GABRG3: variants seen among roughly 807,000 people sequenced by gnomAD.
GABRG3 encodes the protein gamma-aminobutyric acid type A receptor subunit gamma3, also known as gamma-aminobutyric acid receptor subunit gamma-3.
GABRG3 carries 25 observed loss-of-function variants against 48.8 expected under a neutral mutation model. The ratio of observed to expected loss-of-function variants is 0.51; its 90% confidence interval spans 0.37 to 0.72. The LOEUF (loss-of-function observed/expected upper bound fraction) is 0.72. GABRG3 is among the 30% of genes least tolerant of loss of function. The pLI is 0.00. For missense variants in GABRG3, 394 were observed against 577.9 expected (o/e 0.68, Z 3.26); for synonymous variants, 227 against 217.6 (o/e 1.04, Z -0.38).
intron 9 of GABRG3, among the ~76,000 whole-genome samples, chr15:27,531,882 G>T (rs1290635097): frequency 6.6e-6 from 1 of 152,128 alleles, no homozygotes; most frequent in Non-Finnish European, 1.5e-5. Context: ...GCAGGAGGAG[G>T]GCTTGGGAGG....
At chr15:27,357,439 T>C (rs1894878302) in intron 5 of GABRG3, among the ~76,000 whole-genome samples, 1 of 152,216 alleles carries the variant, frequency 6.6e-6, no homozygotes, top group Non-Finnish European at 1.5e-5. Context: ...CCAAAACTTT[T>C]ATTTATGTGG....
chr15:27,125,142 T>TA lies in GABRG3; in HGVS notation c.270+98329dup, dbSNP rs199891559. ...GATATGCCGAAAGACTTTTTATTAG[T>TA]AAAAAAAAGAAATATTTCAAATGAA... On this transcript the variant is annotated intron_variant, in intron 3 of 9. Transcript: ENST00000615808. Among the ~76,000 whole-genome samples the TA allele has an allele frequency of 7.4e-3, 1,122 of 152,128 alleles. 16 individuals are homozygous for TA. Among genetic ancestry groups the TA allele is most frequent in the African/African-American group, 0.025 (1,057 of 41,504 alleles).
intron 3 of GABRG3, among the ~76,000 whole-genome samples, chr15:27,131,822 G>T (rs1284491398): frequency 6.6e-6 from 1 of 151,726 alleles, no homozygotes; most frequent in African/African-American, 2.4e-5. Flanking sequence ...TCGTCTTTTT[G>T]ATAATTGGGG....
intron 5 of GABRG3, among the ~76,000 whole-genome samples, chr15:27,357,021 A>G (rs563742281): frequency 6.6e-6 from 1 of 152,354 alleles, no homozygotes; most frequent in South Asian, 2.1e-4. Context: ...ATAGAATGTC[A>G]TAAAAATAAA....
At chr15:27,321,498 T>A (rs1893424670) in intron 3 of GABRG3, among the ~76,000 whole-genome samples, 1 of 152,198 alleles carries the variant, frequency 6.6e-6, no homozygotes, top group Non-Finnish European at 1.5e-5. Context: ...CTTCCATACC[T>A]GAGAAGGAAA....
At position 26,975,928 on chromosome 15, in the gene GABRG3, A is replaced by G. The variant is rs182385617; in HGVS notation, c.54-1074A>G. Among the ~76,000 whole-genome samples the G allele has an allele frequency of 6.6e-6, 1 of 152,276 alleles. No homozygotes were observed. Among genetic ancestry groups the G allele is most frequent in the East Asian group, 1.9e-4 (1 of 5,170 alleles). ...AAAGGAAAAGTTTGGTTTGTTTCAC[A>G]TGCTTTCTTGCTGGGGTCAATGGTA... is the stretch of plus-strand genomic sequence containing the variant. On this transcript the variant is annotated intron_variant, in intron 1 of 9. Coordinates refer to ENST00000615808, the MANE Select transcript of GABRG3 (RefSeq NM_033223.5). This position sits in a 1 kb window ranked among gnomAD's most constrained non-coding sequence, Gnocchi z 4.6.
chr15:27,233,008 G>C (rs913880176), intron 3 of GABRG3, among the ~76,000 whole-genome samples: 1 of 152,194 alleles, frequency 6.6e-6, no homozygotes, highest in Non-Finnish European at 1.5e-5. Context: ...CATCAGTCCA[G>C]CTGAATGGCA....
At chr15:27,291,620 A>G (rs1891795923) in intron 3 of GABRG3, among the ~76,000 whole-genome samples, 1 of 152,240 alleles carries the variant, frequency 6.6e-6, no homozygotes, top group Non-Finnish European at 1.5e-5. Context: ...TTATTTAATG[A>G]AAACAGTTTA....
intron 2 of GABRG3, 22 bp downstream of exon 2, chr15:26,977,172 T>C (rs898255751): frequency 6.2e-7 from 1 of 1,600,616 alleles, no homozygotes; most frequent in South Asian, 1.1e-5. Context: ...TTTTTGTTAT[T>C]CTAATAGAAA....
intron 3 of GABRG3, among the ~76,000 whole-genome samples, chr15:27,184,223 A>T (rs961997761): frequency 6.6e-6 from 1 of 152,218 alleles, no homozygotes; most frequent in African/African-American, 2.4e-5. Flanking sequence ...TAGATCAAGG[A>T]TAGGAAGGTT....
chr15:27,269,417 C>T (rs1891014419), intron 3 of GABRG3, among the ~76,000 whole-genome samples: 1 of 152,252 alleles, frequency 6.6e-6, no homozygotes, highest in Non-Finnish European at 1.5e-5. Context: ...TGTTCTTTTC[C>T]TAGCATGGCC....
intron 3 of GABRG3, among the ~76,000 whole-genome samples, chr15:27,129,936 A>G (rs914218205): frequency 2.6e-5 from 4 of 152,010 alleles, no homozygotes; most frequent in African/African-American, 7.2e-5. Flanking sequence ...GTAGTTCTTT[A>G]TATATTCTGG....
intron 3 of GABRG3, among the ~76,000 whole-genome samples, chr15:27,122,535 C>G (rs1468473974): frequency 6.6e-6 from 1 of 152,196 alleles, no homozygotes; most frequent in African/African-American, 2.4e-5. Flanking sequence ...GGAATTATCC[C>G]TATGACTCTG....
intron 3 of GABRG3, among the ~76,000 whole-genome samples, chr15:27,290,053 C>A (rs557769479): frequency 5.9e-5 from 9 of 152,180 alleles, no homozygotes; most frequent in African/African-American, 2.2e-4. Flanking sequence ...CTCTTCAATA[C>A]CTTCTAGTGC....
rs573254953 is a variant in GABRG3, at chr15:27,189,052, G to T, written c.271-137757G>T. 5.3e-3 allele frequency among the ~76,000 whole-genome samples: 803 copies of T among 152,136 alleles called. 4 individuals are homozygous for T. The highest frequency in any genetic ancestry group is 0.011 in the Admixed American group (166 of 15,280). ...CAGATAGTTGTAGATATATGGCGTTGTTTCTGAGGGCTCTGTTCTGTTCCA... is the reference window on the plus strand; with the variant it reads ...CAGATAGTTGTAGATATATGGCGTTTTTTCTGAGGGCTCTGTTCTGTTCCA... On this transcript the variant is annotated intron_variant, in intron 3 of 9. Transcript: ENST00000615808.
chr15:27,228,270 G>T (rs887660550), intron 3 of GABRG3, among the ~76,000 whole-genome samples: 1 of 152,068 alleles, frequency 6.6e-6, no homozygotes, highest in African/African-American at 2.4e-5. Flanking sequence ...TCATGTTCGT[G>T]AGTTCTCATC....
At chr15:26,991,028 C>T (rs1199833342) in intron 2 of GABRG3, among the ~76,000 whole-genome samples, 1 of 152,108 alleles carries the variant, frequency 6.6e-6, no homozygotes, top group Non-Finnish European at 1.5e-5. Context: ...TGTTCTTGAA[C>T]TCCTGACCTC....
intron 2 of GABRG3, among the ~76,000 whole-genome samples, chr15:26,985,943 G>T (rs1315812239): frequency 2.0e-5 from 3 of 152,112 alleles, no homozygotes; most frequent in African/African-American, 7.2e-5. Flanking sequence ...GGGAGTTGGA[G>T]GTAGAGTGTG....
intron 3 of GABRG3, among the ~76,000 whole-genome samples, chr15:27,323,106 C>T (rs535253708): frequency 1.5e-4 from 23 of 152,176 alleles, no homozygotes; most frequent in African/African-American, 5.1e-4. Context: ...AGAAAAAGGG[C>T]GAACAAGAGG....
Sources: gnomAD v4.1 joint callset for allele counts (sites outside exome capture counted in the v4.1 genomes callset) on GRCh38, gnomAD v4.1.1 for gene constraint, Gnocchi (gnomAD v3.1) non-coding constraint, MANE v1.5 for transcripts, NCBI Gene and HGNC (gene_info 2026-07-23, HGNC 2026-07-21) for gene names.